Variants in AHDC1 observed in about 807,000 individuals in gnomAD.
The protein encoded by AHDC1 is AT-hook DNA binding motif containing 1.
Under a neutral mutation model 87.9 loss-of-function variants are expected in AHDC1, and 7 were observed. The ratio of observed to expected loss-of-function variants is 0.08; its 90% confidence interval spans 0.05 to 0.15. The LOEUF (loss-of-function observed/expected upper bound fraction) is 0.15, where lower values mean the gene tolerates loss of function less well. AHDC1 is among the 10% of genes least tolerant of loss of function. The pLI is 1.00. For synonymous variants in AHDC1, 1,051 were observed against 1,006.8 expected, an observed-to-expected ratio of 1.04 and a Z score of -0.83; for missense variants, 1,841 against 2,253.2, an observed-to-expected ratio of 0.82 and a Z score of 3.70.
chr1:27,594,508 GGCCCCAAACCTTTAA>G (rs2089310506), intron 3 of AHDC1, among the ~76,000 whole-genome samples: 5 of 152,348 alleles, frequency 3.3e-5, no homozygotes, highest in Admixed American at 2.0e-4. Flanking sequence ...ACCCCAAAGA[GGCCCCAAACCTTTAA>G]GCCCAGGCCA....
rs1201126244 is a variant in AHDC1 at position 27,560,324 on chromosome 1, G to A, written c.-628-1441C>T. Among the ~76,000 whole-genome samples, 1 of 152,088 alleles carries A rather than the reference G, an allele frequency of 6.6e-6. No homozygotes were observed. The highest frequency in any genetic ancestry group is 1.5e-5 in the Non-Finnish European group (1 of 68,010). On this transcript the variant is annotated intron_variant, in intron 3 of 8. Coordinates refer to ENST00000673934, the MANE Select transcript of AHDC1 (RefSeq NM_001371928.1). The surrounding 1 kb of genome is among the most constrained non-coding windows in gnomAD (Gnocchi z 4.1). ...TGTGGCTGGGTGTGAGCATGCCTGGGTGTGCACACGCTTTGCCTGGCTCTC... is the reference window on the plus strand; with the variant it reads ...TGTGGCTGGGTGTGAGCATGCCTGGATGTGCACACGCTTTGCCTGGCTCTC...
At chr1:27,584,423 T>C (rs916332949) in intron 3 of AHDC1, among the ~76,000 whole-genome samples, 1 of 152,162 alleles carries the variant, frequency 6.6e-6, no homozygotes, top group Non-Finnish European at 1.5e-5. Context: ...CCTCAACAGG[T>C]GAGGAAACTG....
chr1:27,601,276 G>GC (rs2089522421), intron 3 of AHDC1, among the ~76,000 whole-genome samples: 1 of 152,238 alleles, frequency 6.6e-6, no homozygotes, highest in Non-Finnish European at 1.5e-5. Flanking sequence ...GGAGGAGAGC[G>GC]CCCACCAGGG....
At chr1:27,537,844 G>A (rs140918478) in intron 8 of AHDC1, among the ~76,000 whole-genome samples, 1 of 152,212 alleles carries the variant, frequency 6.6e-6, no homozygotes, top group Non-Finnish European at 1.5e-5. Context: ...TCAAGGGGGG[G>A]ACTGGCACTG....
rs1294422795 is a variant in AHDC1 at position 27,598,967 on chromosome 1, C to G, written c.-629+4430G>C. Reference sequence around the variant, plus strand: ...ACTCTGTCCCTGTCCCCCACTCCCTCTCCAATAGCTCACAGTCCAAATCCC... The same window carrying G: ...ACTCTGTCCCTGTCCCCCACTCCCTGTCCAATAGCTCACAGTCCAAATCCC... On this transcript the variant is annotated intron_variant, in intron 3 of 8. Coordinates refer to ENST00000673934, the MANE Select transcript of AHDC1 (RefSeq NM_001371928.1). The surrounding 1 kb of genome is among the most constrained non-coding windows in gnomAD (Gnocchi z 4.2). 6.6e-6 allele frequency among the ~76,000 whole-genome samples: 1 copy of G among 152,210 alleles called. No homozygotes were observed. Among genetic ancestry groups the G allele is most frequent in the South Asian group, 2.1e-4 (1 of 4,828 alleles).
Position 27,591,084 on chromosome 1 carries a change from A to G in AHDC1, c.-629+12313T>C, listed in dbSNP as rs1373967281. Among the ~76,000 whole-genome samples the G allele has an allele frequency of 2.0e-5, 3 of 152,238 alleles. No individual in the cohort carries two copies. The South Asian group carries it at 6.2e-4, about 31-fold the overall frequency. On this transcript the variant is annotated intron_variant, in intron 3 of 8. Coordinates refer to ENST00000673934, the MANE Select transcript of AHDC1 (RefSeq NM_001371928.1). ...GGCCCCAGGCCAATGTCAAAGCCCTAACCCATCCATCAGCTGTTGCCAGGG... is the reference window on the plus strand; with the variant it reads ...GGCCCCAGGCCAATGTCAAAGCCCTGACCCATCCATCAGCTGTTGCCAGGG...
intron 3 of AHDC1, among the ~76,000 whole-genome samples, chr1:27,564,311 G>A (rs1388116171): frequency 6.6e-6 from 1 of 152,134 alleles, no homozygotes; most frequent in African/African-American, 2.4e-5. Flanking sequence ...CGCAGTGAGA[G>A]AAGTGCCAGG....
intron 3 of AHDC1, among the ~76,000 whole-genome samples, chr1:27,575,173 C>CCCGCCG (rs568285541): frequency 6.6e-6 from 1 of 152,134 alleles, no homozygotes; most frequent in Admixed American, 6.5e-5. Flanking sequence ...TCCGAGTTTT[C>CCCGCCG]CCGCCGCCGC....
Position 27,548,901 on chromosome 1 carries a change from T to C in AHDC1, c.3215A>G (p.Lys1072Arg). Reference sequence around the variant, plus strand: ...AGAGGTGGCAGAGGCTGTGGTGCCCTTGGGTACCATGTAGCCACCGGGCGA... The same window carrying C: ...AGAGGTGGCAGAGGCTGTGGTGCCCCTGGGTACCATGTAGCCACCGGGCGA... ...TVSPGGYMVP[K>R]GTTASATSAA... Residue 1072 changes from lysine (K) to arginine (R), a missense_variant, in exon 8 of 9, where the codon AAG becomes AGG. By Grantham distance (26) the Lys-to-Arg change is conservative (BLOSUM62 2). Transcript: ENST00000673934. 6.2e-7 allele frequency: 1 copy of C among 1,608,564 alleles called. No individual in the cohort carries two copies. The highest frequency in any genetic ancestry group is 8.5e-7 in the Non-Finnish European group (1 of 1,177,788).
intron 3 of AHDC1, among the ~76,000 whole-genome samples, chr1:27,577,944 C>T (rs1365289847): frequency 6.6e-6 from 1 of 152,220 alleles, no homozygotes; most frequent in South Asian, 2.1e-4. Context: ...CCTGACTCCC[C>T]AGCCCACAGC....
rs753636810 is a variant in AHDC1, at chr1:27,548,133, G to A, written c.3983C>T (p.Ser1328Leu). ...SGDSSMSPLP[S>L]QSRAFGVGER... ...TCCCACGCCGAAGGCCCTCGACTGT[G>A]AGGGCAGTGGTGACATGCTGCTGTC... is the stretch of plus-strand genomic sequence containing the variant. The change falls in exon 8 of 9, where the codon TCA becomes TTA. Residue 1328 changes from serine to leucine, a missense_variant. By Grantham distance (145) the Ser-to-Leu change is moderately radical (BLOSUM62 -2). Transcript: ENST00000673934. 17 of 1,613,900 alleles carry A rather than the reference G, an allele frequency of 1.1e-5. No individual in the cohort carries two copies. The highest frequency in any genetic ancestry group is 1.4e-5 in the Non-Finnish European group (17 of 1,180,046).
In AHDC1 at chr1:27,563,553, C is replaced by G. The variant is rs2020193581; in HGVS notation, c.-628-4670G>C. On this transcript the variant is annotated intron_variant, in intron 3 of 8. Coordinates refer to ENST00000673934, the MANE Select transcript of AHDC1 (RefSeq NM_001371928.1). The surrounding 1 kb of genome is among the most constrained non-coding windows in gnomAD (Gnocchi z 6.1). Reference sequence around the variant, plus strand: ...GTGACAGCCCACCTCACCCCTCCCCCATCACTGTCACCAGCCTGGGTGGTG... The same window carrying G: ...GTGACAGCCCACCTCACCCCTCCCCGATCACTGTCACCAGCCTGGGTGGTG... Among the ~76,000 whole-genome samples the G allele has an allele frequency of 6.6e-6, 1 of 152,224 alleles. No individual in the cohort carries two copies. The highest frequency in any genetic ancestry group is 6.5e-5 in the Admixed American group (1 of 15,294).
Position 27,539,443 on chromosome 1 carries a change from G to T in AHDC1, c.*44-4527C>A, listed in dbSNP as rs562378875. 3.3e-3 allele frequency among the ~76,000 whole-genome samples: 489 copies of T among 150,440 alleles called. 3 individuals are homozygous for T. The highest frequency in any genetic ancestry group is 3.4e-3 in the Non-Finnish European group (227 of 67,640). On this transcript the variant is annotated intron_variant, in intron 8 of 8. Coordinates refer to ENST00000673934, the MANE Select transcript of AHDC1 (RefSeq NM_001371928.1). The stretch of plus-strand genomic sequence containing the variant: ...GGTGAGCCACCATGCCAGGCCTGGA[G>T]AATTTTTTTTTTGTTTGTTTGAGAT...
At chr1:27,556,154 C>G (rs1455315377) in intron 5 of AHDC1, among the ~76,000 whole-genome samples, 1 of 152,002 alleles carries the variant, frequency 6.6e-6, no homozygotes, top group Non-Finnish European at 1.5e-5. Context: ...AAGCGCCAGC[C>G]CACATCCTTG....
At chr1:27,540,917 A>G (rs1036483912) in intron 8 of AHDC1, among the ~76,000 whole-genome samples, 1 of 150,040 alleles carries the variant, frequency 6.7e-6, no homozygotes, top group African/African-American at 2.4e-5. Context: ...GTGTAGAGCA[A>G]TGGAGTCACA....
chr1:27,566,057 C>A (rs1241699634), intron 3 of AHDC1, among the ~76,000 whole-genome samples: 1 of 152,192 alleles, frequency 6.6e-6, no homozygotes, highest in Non-Finnish European at 1.5e-5. Context: ...CCTGCACCAG[C>A]TCCCCAATCT....
At chr1:27,597,686 TG>T (rs2089415197) in intron 3 of AHDC1, among the ~76,000 whole-genome samples, 1 of 152,020 alleles carries the variant, frequency 6.6e-6, no homozygotes, top group Non-Finnish European at 1.5e-5. Context: ...CCTGGGGGTT[TG>T]GGGAGGGAAG....
chr1:27,538,302 C>T (rs900345879), intron 8 of AHDC1, among the ~76,000 whole-genome samples: 25 of 150,454 alleles, frequency 1.7e-4, no homozygotes, highest in Admixed American at 1.1e-3. Context: ...ACTCGGGAGG[C>T]CGAGGCATGA....
chr1:27,552,029 G>C lies in AHDC1; in HGVS notation c.87C>G (p.Pro29=). The change falls in exon 8 of 9, where the codon CCC becomes CCG. Residue 29 remains proline, a synonymous_variant. Coordinates refer to ENST00000673934, the MANE Select transcript of AHDC1 (RefSeq NM_001371928.1). ...GGGGCCGGGGGGTGGGGGGGCCGCC[G>C]GGGTAGTACTTGGGTTCCCGGAGGT... ...PDYLREPKYY[P]GGPPTPRPLL... is the part of the protein sequence containing the mutation. 6.7e-7 allele frequency: 1 copy of C among 1,486,068 alleles called. No individual in the cohort carries two copies. Among genetic ancestry groups the C allele is most frequent in the East Asian group, 2.5e-5 (1 of 40,394 alleles). The allele number at this position is 1,486,068 out of a possible 1,614,324, so 92.1% of individuals were successfully genotyped here. A position where few individuals can be genotyped will look rare whatever the true frequency, so the allele number is the denominator to read the frequency against.
Sources: gnomAD v4.1 joint callset for allele counts (sites outside exome capture counted in the v4.1 genomes callset) on GRCh38, gnomAD v4.1.1 for gene constraint, Gnocchi (gnomAD v3.1) non-coding constraint, MANE v1.5 for transcripts, NCBI Gene and HGNC (gene_info 2026-07-23, HGNC 2026-07-21) for gene names.